The following ZNF704 variants were observed in gnomAD, a reference collection of about 807,000 sequenced individuals.
ZNF704 encodes glucocorticoid induced gene 1.
ZNF704 carries 10 observed loss-of-function variants against 44.7 expected under a neutral mutation model. The observed-to-expected ratio is 0.22, with a 90% CI of 0.14 to 0.38. The LOEUF is 0.38. Among genes scored for constraint, ZNF704 ranks in the 10% least tolerant of loss-of-function variants. The pLI is 1.00. For synonymous variants in ZNF704, 211 were observed against 207.6 expected (o/e 1.02, Z -0.14); for missense variants, 390 against 545.5 (o/e 0.71, Z 2.84).
intron 2 of ZNF704, among the ~76,000 whole-genome samples, chr8:80,746,596 G>A (rs1479212839): frequency 6.6e-6 from 1 of 152,122 alleles, no homozygotes; most frequent in Non-Finnish European, 1.5e-5. Context: ...GACATGCTGG[G>A]TATTACACTA....
At chr8:80,878,253 A>AAAGGAAGGAAGGAAGGAAGG (rs746307538), upstream of ZNF704, among the ~76,000 whole-genome samples, 12 of 140,050 alleles carry the variant, frequency 8.6e-5, no homozygotes, top group Admixed American at 1.4e-4. Context: ...AAAGAGAAAG[A>AAAGGAAGGAAGGAAGGAAGG]AAGGAAGGAA....
intron 2 of ZNF704, among the ~76,000 whole-genome samples, chr8:80,722,054 T>C (rs1280622894): frequency 1.3e-5 from 2 of 152,072 alleles, no homozygotes; most frequent in South Asian, 4.2e-4. Context: ...CTGTGCAACA[T>C]GGCAAGACCC....
At chr8:80,835,767 T>C (rs1808548713) in intron 1 of ZNF704, among the ~76,000 whole-genome samples, 1 of 152,238 alleles carries the variant, frequency 6.6e-6, no homozygotes, top group African/African-American at 2.4e-5. Context: ...GTTAATCTTA[T>C]TGAACTTAAC....
chr8:80,693,856 G>A (rs1162775188), intron 2 of ZNF704, among the ~76,000 whole-genome samples: 1 of 152,186 alleles, frequency 6.6e-6, no homozygotes, highest in Non-Finnish European at 1.5e-5. Context: ...CAGGCCTAGT[G>A]AAGTAATATG....
intron 2 of ZNF704, among the ~76,000 whole-genome samples, chr8:80,743,421 T>C (rs1806796100): frequency 6.7e-6 from 1 of 149,752 alleles, no homozygotes; most frequent in Non-Finnish European, 1.5e-5. Flanking sequence ...GATAAATAAA[T>C]AAATATAAAC....
chr8:80,743,916 A>G (rs953340301), intron 2 of ZNF704, among the ~76,000 whole-genome samples: 5 of 152,282 alleles, frequency 3.3e-5, no homozygotes, highest in Non-Finnish European at 7.4e-5. Flanking sequence ...TCCCTTTCCA[A>G]TGATCTCAAG....
intron 2 of ZNF704, among the ~76,000 whole-genome samples, chr8:80,760,553 G>A (rs1309414904): frequency 6.6e-6 from 1 of 151,608 alleles, no homozygotes; most frequent in Non-Finnish European, 1.5e-5. Context: ...CTACTCAGGA[G>A]GCTGAGGCAG....
At chr8:80,761,877 C>A (rs767696830) in intron 2 of ZNF704, among the ~76,000 whole-genome samples, 1 of 152,154 alleles carries the variant, frequency 6.6e-6, no homozygotes, top group African/African-American at 2.4e-5. Flanking sequence ...TCTGAAATAC[C>A]TTGATAGATA....
intron 2 of ZNF704, among the ~76,000 whole-genome samples, chr8:80,811,083 C>T (rs1427735022): frequency 3.9e-5 from 6 of 152,154 alleles, no homozygotes; most frequent in Non-Finnish European, 5.9e-5. Context: ...TTAACTTATG[C>T]TTTATTCTAA....
Position 80,687,206 on chromosome 8 carries a change from C to A in ZNF704, c.558+20G>T. Reference sequence around the variant, plus strand: ...CCTTCAGGAAACTGAATGCAGAAGACCGCGTGGCTGACCACCAACCTTTCT... The same window carrying A: ...CCTTCAGGAAACTGAATGCAGAAGAACGCGTGGCTGACCACCAACCTTTCT... On this transcript the variant is annotated intron_variant, in intron 4 of 8. Coordinates refer to ENST00000327835, the MANE Select transcript of ZNF704 (RefSeq NM_001033723.3). The A allele has an allele frequency of 6.2e-7, 1 of 1,601,526 alleles. No homozygotes were observed. The highest frequency in any genetic ancestry group is 8.5e-7 in the Non-Finnish European group (1 of 1,172,058).
chr8:80,651,171 A>C (rs953940994), intron 7 of ZNF704, among the ~76,000 whole-genome samples: 1 of 152,250 alleles, frequency 6.6e-6, no homozygotes, highest in Non-Finnish European at 1.5e-5. Context: ...AGGAAGTGCT[A>C]AACATGGAAA....
intron 2 of ZNF704, among the ~76,000 whole-genome samples, chr8:80,708,240 G>T (rs981337378): frequency 3.3e-5 from 5 of 152,156 alleles, no homozygotes; most frequent in Non-Finnish European, 5.9e-5. Context: ...TGCACACCTA[G>T]ATACGTATAC....
chr8:80,780,638 A>G (rs1308137282), intron 2 of ZNF704, among the ~76,000 whole-genome samples: 1 of 152,150 alleles, frequency 6.6e-6, no homozygotes, highest in East Asian at 1.9e-4. Context: ...AATCAGAGGA[A>G]GATTTGAGGC....
At chr8:80,852,984 G>A (rs1330884463) in intron 1 of ZNF704, among the ~76,000 whole-genome samples, 1 of 152,152 alleles carries the variant, frequency 6.6e-6, no homozygotes, top group Non-Finnish European at 1.5e-5. Flanking sequence ...TGCTTGCTTT[G>A]TTTTAAGGTA....
rs750059801 is a variant in ZNF704 at position 80,651,139 on chromosome 8, C to A, written c.1033-8010G>T. 4.5e-4 allele frequency among the ~76,000 whole-genome samples: 69 copies of A among 152,306 alleles called. No individual in the cohort carries two copies. The Middle Eastern group carries it at 0.014, about 30-fold the overall frequency. On this transcript the variant is annotated intron_variant, in intron 7 of 8. Coordinates refer to ENST00000327835, the MANE Select transcript of ZNF704 (RefSeq NM_001033723.3). ...GCTGAGAGATTTTGTCACCACCAGG[C>A]CTGCCCTAAAAGAGCTCCTGAAGGA...
At chr8:80,810,642 G>A in intron 2 of ZNF704, among the ~76,000 whole-genome samples, 1 of 152,166 alleles carries the variant, frequency 6.6e-6, no homozygotes, top group Non-Finnish European at 1.5e-5. Flanking sequence ...CTCTGGAAAT[G>A]AAGCCTGCTT....
At chr8:80,644,422 A>C (rs1017540660) in intron 7 of ZNF704, among the ~76,000 whole-genome samples, 4 of 151,980 alleles carry the variant, frequency 2.6e-5, no homozygotes, top group African/African-American at 9.7e-5. Context: ...CAACAAATTA[A>C]TTTTTTTAAC....
intron 1 of ZNF704, among the ~76,000 whole-genome samples, chr8:80,871,383 C>T (rs907066416): frequency 3.9e-5 from 6 of 152,222 alleles, no homozygotes; most frequent in African/African-American, 1.4e-4. Flanking sequence ...GCAACTGCTA[C>T]TCCCTCTGCC....
chr8:80,699,036 T>C (rs891534550), intron 2 of ZNF704, among the ~76,000 whole-genome samples: 1 of 152,212 alleles, frequency 6.6e-6, no homozygotes, highest in Non-Finnish European at 1.5e-5. Context: ...TAAAAATGAA[T>C]AATATATTCC....
Sources: gnomAD v4.1 joint callset for allele counts (sites outside exome capture counted in the v4.1 genomes callset) on GRCh38, gnomAD v4.1.1 for gene constraint, MANE v1.5 for transcripts, NCBI Gene and HGNC (gene_info 2026-07-23, HGNC 2026-07-21) for gene names.